The following SMARCA2 variants were observed in gnomAD, a reference collection of about 807,000 sequenced individuals.
SMARCA2 encodes the protein SWI/SNF-related matrix-associated actin-dependent regulator of chromatin subfamily A member 2.
Under a neutral mutation model 199.8 loss-of-function variants are expected in SMARCA2, and 61 were observed. The ratio of observed to expected loss-of-function variants is 0.31; its 90% CI spans 0.25 to 0.38. The LOEUF is 0.38. Among genes scored for constraint, SMARCA2 ranks in the 10% least tolerant of loss-of-function variants. SMARCA2 has a pLI of 1.00. For missense variants in SMARCA2, 1,344 were observed against 2,012.2 expected, an observed-to-expected ratio of 0.67 and a Z score of 6.35; for synonymous variants, 935 against 732.0, an observed-to-expected ratio of 1.28 and a Z score of -4.48.
In SMARCA2 at chr9:2,104,641, T is replaced by A. The variant is rs1022317337; in HGVS notation, c.3292+472T>A. Among the ~76,000 whole-genome samples, 2 of 152,198 alleles carry A rather than the reference T, an allele frequency of 1.3e-5. No homozygotes were observed. Among genetic ancestry groups the A allele is most frequent in the African/African-American group, 4.8e-5 (2 of 41,464 alleles). ...CCCCTCTCTTCCTAAATAAGACGTATCCACATGTTACATTGTTAAGAGACA... is the reference window on the plus strand; with the variant it reads ...CCCCTCTCTTCCTAAATAAGACGTAACCACATGTTACATTGTTAAGAGACA... On this transcript the variant is annotated intron_variant, in intron 23 of 33. Coordinates refer to ENST00000349721, the MANE Select transcript of SMARCA2 (RefSeq NM_003070.5). This position sits in a 1 kb window ranked among gnomAD's most constrained non-coding sequence, Gnocchi z 4.0.
rs184669985 is a variant in SMARCA2 at position 2,110,560 on chromosome 9, T to C, written c.3456+143T>C. The C allele has an allele frequency of 1.7e-5, 10 of 598,076 alleles. No homozygotes were observed. In the African/African-American group the frequency reaches 1.7e-4, roughly 10 times the overall value. 37.0% of individuals were successfully genotyped at this position (598,076 alleles called of 1,614,324 possible). The stretch of plus-strand genomic sequence containing the variant: ...TTCTTGGAGCCAATTCTTCTGGCTG[T>C]TTTCTTATCTCCCTTAGAGCATAGA... On this transcript the variant is annotated intron_variant, in intron 24 of 33. Coordinates refer to ENST00000349721, the MANE Select transcript of SMARCA2 (RefSeq NM_003070.5). The surrounding 1 kb of genome is among the most constrained non-coding windows in gnomAD (Gnocchi z 4.8).
chr9:2,098,143 T>C (rs1586702443), intron 21 of SMARCA2, among the ~76,000 whole-genome samples: 1 of 152,208 alleles, frequency 6.6e-6, no homozygotes, highest in South Asian at 2.1e-4. Flanking sequence ...GGAGCCACAA[T>C]TGTATTCCCC....
intron 21 of SMARCA2, 35 bp downstream of exon 21, chr9:2,097,506 G>C (rs1822320480): frequency 7.8e-7 from 1 of 1,281,806 alleles, no homozygotes; most frequent in Non-Finnish European, 1.1e-6. Context: ...GCCTGATTGT[G>C]CTAATCATAC....
Position 2,039,786 on chromosome 9 carries a change from CAGCAGCAGCAGCA to C in SMARCA2, c.677_689del (p.Gln226ArgfsTer40). On this transcript the variant is annotated frameshift_variant, in exon 4 of 34. Coordinates refer to ENST00000349721, the MANE Select transcript of SMARCA2 (RefSeq NM_003070.5). LOFTEE classifies it high-confidence loss of function. The surrounding 1 kb of genome is among the most constrained non-coding windows in gnomAD (Gnocchi z 4.8). ...ACAACAGCAGCAGCAACAGCAGCAG[CAGCAGCAGCAGCA>C]GCAGCAGCAGCAGCAGCAACAGCAG... 6.4e-7 allele frequency: 1 copy of C among 1,570,380 alleles called. No individual in the cohort carries two copies. The highest frequency in any genetic ancestry group is 8.7e-7 in the Non-Finnish European group (1 of 1,150,042).
At chr9:2,065,966 T>C (rs189306570) in intron 9 of SMARCA2, among the ~76,000 whole-genome samples, 3 of 152,354 alleles carry the variant, frequency 2.0e-5, no homozygotes, top group East Asian at 3.9e-4. Context: ...TTTGAATTGA[T>C]TTTCTCTATA....
intron 1 of SMARCA2, chr9:2,015,874 T>G: frequency 6.8e-6 from 1 of 146,972 alleles, no homozygotes; most frequent in African/African-American, 2.5e-5. Flanking sequence ...GGGAGGGGGG[T>G]GGCCGCAGGA....
chr9:2,087,808 A>C (rs1276197235), intron 18 of SMARCA2, among the ~76,000 whole-genome samples: 2 of 152,216 alleles, frequency 1.3e-5, no homozygotes, highest in African/African-American at 4.8e-5. Flanking sequence ...TGGCCCTTTG[A>C]TGTTGAGGCA....
At chr9:2,126,255 A>C (rs1823689968) in intron 27 of SMARCA2, among the ~76,000 whole-genome samples, 1 of 152,270 alleles carries the variant, frequency 6.6e-6, no homozygotes, top group Non-Finnish European at 1.5e-5. Context: ...CATGCAACAT[A>C]CTAAGTCATC....
chr9:2,034,987 G>T (rs889204783), intron 3 of SMARCA2, among the ~76,000 whole-genome samples: 11 of 151,736 alleles, frequency 7.2e-5, no homozygotes, highest in Non-Finnish European at 1.0e-4. Flanking sequence ...GGCCAAGTAT[G>T]TTCATGGAGC....
Position 2,066,457 on chromosome 9 carries a change from A to G in SMARCA2, c.1693-3961A>G, listed in dbSNP as rs1425452142. 2.0e-5 allele frequency among the ~76,000 whole-genome samples: 3 copies of G among 152,240 alleles called. No homozygotes were observed. The South Asian group carries it at 6.2e-4, about 32-fold the overall frequency. On this transcript the variant is annotated intron_variant, in intron 9 of 33. Coordinates refer to ENST00000349721, the MANE Select transcript of SMARCA2 (RefSeq NM_003070.5). ...CATACCTTTGCTTGTGAACATTGCTAAATGGAAGATATGAATTGACGTTGG... is the reference window on the plus strand; with the variant it reads ...CATACCTTTGCTTGTGAACATTGCTGAATGGAAGATATGAATTGACGTTGG...
chr9:2,167,459 T>C (rs1366864466), intron 28 of SMARCA2, among the ~76,000 whole-genome samples: 1 of 152,232 alleles, frequency 6.6e-6, no homozygotes, highest in African/African-American at 2.4e-5. Flanking sequence ...ACATCAGGTC[T>C]AGCCTTGAAG....
At chr9:2,164,096 G>A (rs934619692) in intron 28 of SMARCA2, among the ~76,000 whole-genome samples, 3 of 152,020 alleles carry the variant, frequency 2.0e-5, no homozygotes, top group Non-Finnish European at 2.9e-5. Flanking sequence ...CACAATCCCC[G>A]TCACTCTGTA....
At chr9:2,081,530 T>G (rs961675704) in intron 14 of SMARCA2, among the ~76,000 whole-genome samples, 1 of 152,182 alleles carries the variant, frequency 6.6e-6, no homozygotes, top group Non-Finnish European at 1.5e-5. Flanking sequence ...TGGTTTGGGC[T>G]TTTTTCATTT....
chr9:2,065,548 A>G (rs531147147), intron 9 of SMARCA2, among the ~76,000 whole-genome samples: 3 of 152,308 alleles, frequency 2.0e-5, no homozygotes, highest in South Asian at 4.1e-4. Context: ...ATTGGCCAAC[A>G]TAGTGGTAGG....
chr9:2,105,249 T>TA (rs1178309150), intron 23 of SMARCA2, among the ~76,000 whole-genome samples: 2 of 151,968 alleles, frequency 1.3e-5, no homozygotes, highest in African/African-American at 4.8e-5. Context: ...TTTTTTATTT[T>TA]ATTTTGTTTT....
chr9:2,111,447 G>A (rs1224504581), intron 24 of SMARCA2, among the ~76,000 whole-genome samples: 4 of 144,680 alleles, frequency 2.8e-5, no homozygotes, highest in Non-Finnish European at 1.5e-5. Context: ...AGCCATGATC[G>A]TACCACCGCT....
rs554116641 is a variant in SMARCA2 at position 2,169,216 on chromosome 9, C to A, written c.4200-1203C>A. On this transcript the variant is annotated intron_variant, in intron 28 of 33. Transcript: ENST00000349721. The surrounding 1 kb of genome is among the most constrained non-coding windows in gnomAD (Gnocchi z 6.5). ...TGAGGCCCTTGCACTGCTGGCCTGGCCTGGCAAGCTGCAGGGTGGACTGCG... is the reference window on the plus strand; with the variant it reads ...TGAGGCCCTTGCACTGCTGGCCTGGACTGGCAAGCTGCAGGGTGGACTGCG... Among the ~76,000 whole-genome samples, 1 of 152,206 alleles carries A rather than the reference C, an allele frequency of 6.6e-6. No individual in the cohort carries two copies. The highest frequency in any genetic ancestry group is 1.5e-5 in the Non-Finnish European group (1 of 68,024).
intron 27 of SMARCA2, among the ~76,000 whole-genome samples, chr9:2,149,783 A>G (rs538690072): frequency 4.0e-5 from 6 of 151,708 alleles, no homozygotes; most frequent in African/African-American, 1.4e-4. Flanking sequence ...AGTTTATTGG[A>G]TAGCAAATTG....
At chr9:2,083,236 A>T in intron 15 of SMARCA2, 111 bp from the exon 16 acceptor site, 1 of 616,826 alleles carries the variant, frequency 1.6e-6, no homozygotes. Context: ...GATATGTTAT[A>T]TTCTGTAGCC....
Sources: allele counts gnomAD v4.1 joint callset (sites outside exome capture counted in the v4.1 genomes callset), GRCh38; gene constraint gnomAD v4.1.1; non-coding constraint Gnocchi (gnomAD v3.1); transcripts MANE v1.5; gene names NCBI Gene and HGNC (gene_info 2026-07-23, HGNC 2026-07-21).